Variants in GLB1L observed in about 807,000 individuals in gnomAD.
GLB1L encodes beta-galactosidase-1-like protein.
GLB1L carries 58 observed loss-of-function variants against 75.7 expected under a neutral mutation model. The observed-to-expected ratio is 0.77, with a 90% CI of 0.62 to 0.95. GLB1L has a LOEUF of 0.95. Among genes scored for constraint, GLB1L ranks in the 40% least tolerant of loss-of-function variants. The pLI is 0.00. For synonymous variants in GLB1L, 296 were observed against 303.0 expected, an observed-to-expected ratio of 0.98 and a Z score of 0.24; for missense variants, 797 against 805.5, an observed-to-expected ratio of 0.99 and a Z score of 0.13.
At chr2:219,237,770 G>A in intron 15 of GLB1L, 43 bp from the exon 16 acceptor site, 5 of 1,612,624 alleles carry the variant, frequency 3.1e-6, no homozygotes, top group Non-Finnish European at 4.2e-6. Flanking sequence ...ACTAAGCTTT[G>A]AAGCTAAGTT....
rs768315289 is a variant in GLB1L at position 219,237,293 on chromosome 2, G to A, written c.1744C>T (p.Pro582Ser). 3.1e-6 allele frequency: 5 copies of A among 1,614,016 alleles called. No individual in the cohort carries two copies. The highest frequency in any genetic ancestry group is 4.2e-6 in the Non-Finnish European group (5 of 1,180,016). ...NLGRYWTKQG[P>S]QQTLYVPRFL... ...CTTGGCACGTAGAGGGTCTGTTGTG[G>A]CCCCTGCTTTGTCCAGTACCGGCCC... is the stretch of plus-strand genomic sequence containing the variant. The change falls in exon 17 of 17, where the codon CCA becomes TCA. Residue 582 changes from proline (P) to serine (S), a missense_variant. Pro to Ser is a moderately conservative substitution (Grantham distance 74). Coordinates refer to ENST00000295759, the MANE Select transcript of GLB1L (RefSeq NM_001286423.2).
At chr2:219,240,579 TA>T (rs1472581409) in intron 5 of GLB1L, among the ~76,000 whole-genome samples, 1 of 151,852 alleles carries the variant, frequency 6.6e-6, no homozygotes, top group Non-Finnish European at 1.5e-5. Context: ...CTGTCTCTAC[TA>T]AAAATACAAA....
Position 219,237,242 on chromosome 2 carries a change from G to C in GLB1L, c.1795C>G (p.Leu599Val), listed in dbSNP as rs1318922037. 1.2e-6 allele frequency: 2 copies of C among 1,614,036 alleles called. No homozygotes were observed. Among genetic ancestry groups the C allele is most frequent in the Non-Finnish European group, 1.7e-6 (2 of 1,180,032 alleles). ...AGTTCCAGCAATGTAATTTTGTTGA[G>C]GGCTCCCCTAGGAAACAGCAGGAAT... ...PRFLLFPRGA[L>V]NKITLLELED... The change falls in exon 17 of 17, where the codon CTC (leucine) becomes GTC (valine). Residue 599 changes from leucine (L) to valine (V), a missense_variant. By Grantham distance (32) the Leu-to-Val change is conservative (BLOSUM62 1). Transcript: ENST00000295759.
At chr2:219,238,098 T>C (rs921940302) in intron 14 of GLB1L, 141 bp from the exon 15 acceptor site, 1 of 1,062,536 alleles carries the variant, frequency 9.4e-7, no homozygotes, top group Non-Finnish European at 1.4e-6. Context: ...AATTCTATCC[T>C]TAATCAAACT....
At chr2:219,242,968 G>A in intron 3 of GLB1L, 50 bp from the exon 4 acceptor site, 1 of 1,608,784 alleles carries the variant, frequency 6.2e-7, no homozygotes, top group Non-Finnish European at 8.5e-7. Flanking sequence ...ACGCCAGGGA[G>A]GCCTAACGGC....
Position 219,243,192 on chromosome 2 carries a change from G to T in GLB1L, c.195C>A (p.Asp65Glu), listed in dbSNP as rs374740880. 75 of 1,613,610 alleles carry T rather than the reference G, an allele frequency of 4.6e-5. No homozygotes were observed. The highest frequency in any genetic ancestry group is 1.6e-4 in the Middle Eastern group (1 of 6,080). ...CGCTCCATCGCATCTTCAAAAGCCG[G>T]TCGGCCCAAAGCACCCGCGGTACCC... ...YFRVPRVLWA[D>E]RLLKMRWSGL... The change falls in exon 3 of 17, where the codon GAC becomes GAA. Residue 65 changes from aspartate to glutamate, a missense_variant. Asp to Glu is a conservative substitution (Grantham distance 45, BLOSUM62 2). Coordinates refer to ENST00000295759, the MANE Select transcript of GLB1L (RefSeq NM_001286423.2).
chr2:219,237,139 G>A lies in GLB1L; in HGVS notation c.1898C>T (p.Thr633Ile), dbSNP rs1280201442. The A allele has an allele frequency of 1.9e-6, 3 of 1,614,048 alleles. No individual in the cohort carries two copies. The highest frequency in any genetic ancestry group is 2.5e-6 in the Non-Finnish European group (3 of 1,179,934). The change falls in exon 17 of 17, where the codon ACA becomes ATA. Residue 633 changes from threonine (T) to isoleucine (I), a missense_variant. Transcript: ENST00000295759. ...ATCAGCTGAAAGGGAATTGATATGT[G>A]TCCTGTGCAAAGTACTAGTGCTATT... ...ILNSTSTLHR[T>I]HINSLSADTL...
intron 5 of GLB1L, among the ~76,000 whole-genome samples, chr2:219,240,886 C>T (rs928218724): frequency 2.0e-5 from 3 of 151,626 alleles, no homozygotes. Flanking sequence ...AGTTTGAGAC[C>T]CTCATGGCCA....
Position 219,236,636 on chromosome 2 carries a change from A to G in GLB1L, c.*436T>C. ...CTGTCTCTGGAATTTTAATCACAATAAAGTTTGGCAAGGAATGTGTACTTG... is the reference window on the plus strand; with the variant it reads ...CTGTCTCTGGAATTTTAATCACAATGAAGTTTGGCAAGGAATGTGTACTTG... On this transcript the variant is annotated 3_prime_UTR_variant, in exon 17 of 17. Coordinates refer to ENST00000295759, the MANE Select transcript of GLB1L (RefSeq NM_001286423.2). 1.3e-6 allele frequency: 1 copy of G among 764,474 alleles called. No individual in the cohort carries two copies. The highest frequency in any genetic ancestry group is 2.0e-6 in the Non-Finnish European group (1 of 503,562). The allele number at this position is 764,474 out of a possible 1,614,324, so 47.4% of individuals were successfully genotyped here. A position where few individuals can be genotyped will look rare whatever the true frequency, so the allele number is the denominator to read the frequency against.
In GLB1L at chr2:219,242,930, A is replaced by G. The variant is rs374703452; in HGVS notation, c.240-12T>C. ...TCCAGGGCACATAACTGAGAAAGGA[A>G]GAGGTTAATAGGAACCAAGGTGAAG... On this transcript the variant is annotated splice_polypyrimidine_tract_variant and intron_variant, in intron 3 of 16. Coordinates refer to ENST00000295759, the MANE Select transcript of GLB1L (RefSeq NM_001286423.2). 20 of 1,614,010 alleles carry G rather than the reference A, an allele frequency of 1.2e-5. No homozygotes were observed. The highest frequency in any genetic ancestry group is 1.1e-4 in the East Asian group (5 of 44,890).
At position 219,242,752 on chromosome 2, in the gene GLB1L, T is replaced by C; in HGVS notation, c.390+16A>G. On this transcript the variant is annotated intron_variant, in intron 4 of 16. Transcript: ENST00000295759. The stretch of plus-strand genomic sequence containing the variant: ...CACAAGGATAACTGGTTCTATCCCT[T>C]CTCCAGCTAACTCACCATCTCCCAC... 1 of 1,613,946 alleles carries C rather than the reference T, an allele frequency of 6.2e-7. No individual in the cohort carries two copies. The highest frequency in any genetic ancestry group is 8.5e-7 in the Non-Finnish European group (1 of 1,179,846).
chr2:219,244,451 GT>G (rs1951478790), intron 1 of GLB1L, among the ~76,000 whole-genome samples: 1 of 152,188 alleles, frequency 6.6e-6, no homozygotes. Context: ...GTGATCCGGG[GT>G]GTGGAAGGGA....
At chr2:219,243,401 A>T (rs759283893) in intron 2 of GLB1L, 87 bp from the exon 3 acceptor site, 510 of 1,591,996 alleles carry the variant, frequency 3.2e-4, no homozygotes, top group Non-Finnish European at 4.1e-4. Flanking sequence ...AGATGGAACT[A>T]GCCCTGCGGG....
In GLB1L at chr2:219,238,280, GACT is replaced by G; in HGVS notation, c.1308_1310del (p.Val437del). ...CCACCATCACATAGGCACGGTCATG[GACT>G]CCATTATTTGGCACCCAGAATGGTG... On this transcript the variant is annotated inframe_deletion, in exon 14 of 17. Transcript: ENST00000295759. The G allele has an allele frequency of 1.2e-6, 2 of 1,612,040 alleles. No individual in the cohort carries two copies. Among genetic ancestry groups the G allele is most frequent in the Non-Finnish European group, 1.7e-6 (2 of 1,178,808 alleles).
chr2:219,242,991 G>C, intron 3 of GLB1L, 73 bp from the exon 4 acceptor site: 2 of 1,594,118 alleles, frequency 1.3e-6, no homozygotes, highest in South Asian at 2.2e-5. Flanking sequence ...AGGCCTTGCA[G>C]GGAATCTCCA....
At position 219,240,178 on chromosome 2, in the gene GLB1L, T is replaced by G. The variant is rs751241153; in HGVS notation, c.546+13A>C. 2 of 1,613,734 alleles carry G rather than the reference T, an allele frequency of 1.2e-6. No individual in the cohort carries two copies. The highest frequency in any genetic ancestry group is 1.7e-6 in the Non-Finnish European group (2 of 1,179,588). On this transcript the variant is annotated intron_variant, in intron 6 of 16. Transcript: ENST00000295759. ...TACCTTCTTCCCCTGCTCCAGTCAC[T>G]TCCCCCTTGTACCTGAATGCTAATG...
Position 219,239,786 on chromosome 2 carries a change from G to C in GLB1L, c.769C>G (p.His257Asp). The C allele has an allele frequency of 6.2e-7, 1 of 1,614,178 alleles. No homozygotes were observed. Among genetic ancestry groups the C allele is most frequent in the Non-Finnish European group, 8.5e-7 (1 of 1,180,036 alleles). The change falls in exon 8 of 17, where the codon CAT becomes GAT. Residue 257 changes from histidine to aspartate, a missense_variant. Transcript: ENST00000295759. The stretch of plus-strand genomic sequence containing the variant: ...CTCTGGCCCCTCACCAATGGCCCAT[G>C]GGGTTCATACTTCCGAAGCAGGGTA... ...IFTLLRKYEP[H>D]GPLVNSEYYT...
At chr2:219,242,278 C>T (rs776326048) in intron 5 of GLB1L, among the ~76,000 whole-genome samples, 3 of 132,744 alleles carry the variant, frequency 2.3e-5, no homozygotes, top group Admixed American at 1.7e-4. Flanking sequence ...CATGAGCCAC[C>T]GCGCCCAGCT....
In GLB1L at chr2:219,240,283, A is replaced by T; in HGVS notation, c.454T>A (p.Phe152Ile). ...AACCAGGAGTCCACTGCGGCAAGGA[A>T]GTCTAAAGGAAGGAGCAGAGCTTCT... ...EIHLRTSDPD[F>I]LAAVDSWFKV... The change falls in exon 6 of 17, where the codon TTC (phenylalanine) becomes ATC (isoleucine). Residue 152 changes from phenylalanine (F) to isoleucine (I), a missense_variant and splice_region_variant. Physicochemically the swap from Phe to Ile is conservative, Grantham distance 21 (BLOSUM62 0). Coordinates refer to ENST00000295759, the MANE Select transcript of GLB1L (RefSeq NM_001286423.2). 6.2e-7 allele frequency: 1 copy of T among 1,613,512 alleles called. No individual in the cohort carries two copies.
Sources: allele counts gnomAD v4.1 joint callset (sites outside exome capture counted in the v4.1 genomes callset), GRCh38; gene constraint gnomAD v4.1.1; transcripts MANE v1.5; gene names NCBI Gene and HGNC (gene_info 2026-07-23, HGNC 2026-07-21).